The following TTLL13 variants were observed in gnomAD, a reference collection of about 807,000 sequenced individuals.
TTLL13 encodes tubulin tyrosine ligase like 13.
the TTLL13 span, chr15:90,253,214 C>G: frequency 1.3e-6 from 2 of 1,567,134 alleles, no homozygotes; most frequent in Non-Finnish European, 1.8e-6. Flanking sequence ...TTGCTGGTGT[C>G]CATGCTGGCA....
At chr15:90,252,616 A>G in the TTLL13 span, among the ~76,000 whole-genome samples, 2 of 152,296 alleles carry the variant, frequency 1.3e-5, no homozygotes, top group African/African-American at 4.8e-5. Flanking sequence ...GCATCTTTAT[A>G]AGGAACCACA....
chr15:90,258,082 A>T, the TTLL13 span: 1 of 1,614,162 alleles, frequency 6.2e-7, no homozygotes, highest in Non-Finnish European at 8.5e-7. Flanking sequence ...CACAGCTACA[A>T]CCCTGGAGAG....
the TTLL13 span, chr15:90,258,492 T>C: frequency 4.9e-6 from 3 of 617,490 alleles, no homozygotes; most frequent in African/African-American, 1.8e-5. Flanking sequence ...AGGTTTGGGA[T>C]CCCCAGTGCC....
At chr15:90,251,585 T>C in the TTLL13 span, 2 of 1,614,010 alleles carry the variant, frequency 1.2e-6, no homozygotes, top group Non-Finnish European at 8.5e-7. Flanking sequence ...CAACTGCAAG[T>C]ATGAGAGTGG....
chr15:90,257,471 C>T, the TTLL13 span, among the ~76,000 whole-genome samples: 2 of 151,908 alleles, frequency 1.3e-5, no homozygotes, highest in Non-Finnish European at 2.9e-5. Flanking sequence ...CCGGAGGAGC[C>T]CAGCACACAC....
the TTLL13 span, among the ~76,000 whole-genome samples, chr15:90,255,522 C>T: frequency 6.6e-6 from 1 of 152,112 alleles, no homozygotes. Context: ...CTCACTGCCC[C>T]TCATTTGCTG....
At chr15:90,265,009 CAG>C in the TTLL13 span, 1 of 1,503,492 alleles carries the variant, frequency 6.7e-7, no homozygotes. Context: ...ATAACCTCCC[CAG>C]GTTTCCAAAG....
the TTLL13 span, chr15:90,263,945 A>AGCCCC: frequency 6.5e-7 from 1 of 1,532,024 alleles, no homozygotes; most frequent in Non-Finnish European, 8.7e-7. Flanking sequence ...TACCATCTGC[A>AGCCCC]GCCCAAGAAC....
At chr15:90,264,703 C>A in the TTLL13 span, 1 of 1,534,770 alleles carries the variant, frequency 6.5e-7, no homozygotes, top group Non-Finnish European at 8.7e-7. Flanking sequence ...TCAGGGACAT[C>A]CATGTTTCCA....
chr15:90,258,632 G>T, the TTLL13 span: 24 of 937,262 alleles, frequency 2.6e-5, no homozygotes, highest in Non-Finnish European at 3.6e-5. Flanking sequence ...CAGCCTCCCC[G>T]GCTGAGGCCA....
At chr15:90,258,322 A>T in the TTLL13 span, 1 of 1,480,276 alleles carries the variant, frequency 6.8e-7, no homozygotes, top group South Asian at 1.1e-5. Context: ...GCCTCCTTGA[A>T]TAGGACACCT....
chr15:90,257,432 G>T, the TTLL13 span: 1 of 1,255,250 alleles, frequency 8.0e-7, no homozygotes, highest in Non-Finnish European at 1.1e-6. Flanking sequence ...CAAGTGTTTG[G>T]TAGGTGGTGA....
chr15:90,250,389 T>C, the TTLL13 span, among the ~76,000 whole-genome samples: 1 of 152,208 alleles, frequency 6.6e-6, no homozygotes, highest in Non-Finnish European at 1.5e-5. Flanking sequence ...ACCTGGATGA[T>C]TGGGGCTTGT....
At chr15:90,256,091 G>C in the TTLL13 span, 1 of 1,600,992 alleles carries the variant, frequency 6.2e-7, no homozygotes, top group Non-Finnish European at 8.5e-7. Context: ...GCGGCCCCGG[G>C]AAAGCCTTGA....
At chr15:90,257,675 C>A in the TTLL13 span, 4 of 1,614,242 alleles carry the variant, frequency 2.5e-6, no homozygotes, top group Non-Finnish European at 3.4e-6. Flanking sequence ...ATGCTATCAA[C>A]AAACACAATG....
the TTLL13 span, among the ~76,000 whole-genome samples, chr15:90,261,312 C>G: frequency 6.6e-6 from 1 of 150,892 alleles, no homozygotes; most frequent in African/African-American, 2.4e-5. Context: ...TTCCCAACCT[C>G]AAGTGATCCA....
the TTLL13 span, chr15:90,258,719 G>T: frequency 6.2e-7 from 1 of 1,603,346 alleles, no homozygotes. Context: ...TGGGAAAGGG[G>T]TGTATAATGA....
the TTLL13 span, chr15:90,255,700 G>A: frequency 1.9e-6 from 3 of 1,612,670 alleles, no homozygotes; most frequent in Non-Finnish European, 2.5e-6. Context: ...GGGATGCCCA[G>A]GTGCTAGGAA....
the TTLL13 span, chr15:90,253,241 C>A: frequency 6.2e-7 from 1 of 1,610,426 alleles, no homozygotes; most frequent in Admixed American, 1.7e-5. Context: ...ATCTCCCTGT[C>A]TCTGCAGTGC....
Sources: allele counts gnomAD v4.1 joint callset (sites outside exome capture counted in the v4.1 genomes callset), GRCh38; gene constraint gnomAD v4.1.1; transcripts MANE v1.5; gene names NCBI Gene and HGNC (gene_info 2026-07-23, HGNC 2026-07-21).